Variants in VWA3B observed in about 807,000 individuals in gnomAD.
VWA3B encodes von Willebrand factor A domain containing 3B.
Under a neutral mutation model 158.3 loss-of-function variants are expected in VWA3B, and 138 were observed. That is an observed-to-expected ratio of 0.87 (90% CI 0.76 to 1.00). The LOEUF is 1.00. Ranked by LOEUF, VWA3B falls within the 50% of genes least tolerant of loss-of-function variation. The pLI, the probability that VWA3B is intolerant of heterozygous loss-of-function variation, is 0.00. For missense variants in VWA3B, 1,555 were observed against 1,565.1 expected (o/e 0.99, Z 0.11); for synonymous variants, 596 against 587.3 (o/e 1.01, Z -0.21).
At chr2:98,251,844 C>T (rs907376706) in intron 20 of VWA3B, among the ~76,000 whole-genome samples, 1 of 152,148 alleles carries the variant, frequency 6.6e-6, no homozygotes, top group Non-Finnish European at 1.5e-5. Context: ...GTTGCCCTCA[C>T]CCGAGAGTGG....
At chr2:98,261,574 C>T (rs577317145) in intron 21 of VWA3B, among the ~76,000 whole-genome samples, 2 of 151,786 alleles carry the variant, frequency 1.3e-5, no homozygotes, top group East Asian at 1.9e-4. Flanking sequence ...TTATAGCATT[C>T]CTTTTAGGAC....
intron 14 of VWA3B, among the ~76,000 whole-genome samples, chr2:98,224,188 GAAAGA>G (rs1684734519): frequency 6.6e-6 from 1 of 152,004 alleles, no homozygotes; most frequent in African/African-American, 2.4e-5. Context: ...TGGAGCATCA[GAAAGA>G]AAAGAAGAGA....
At chr2:98,263,248 C>A (rs949043559) in intron 21 of VWA3B, among the ~76,000 whole-genome samples, 1 of 151,836 alleles carries the variant, frequency 6.6e-6, no homozygotes, top group Admixed American at 6.6e-5. Context: ...TTGGATATTG[C>A]TCCTTTCTTT....
intron 12 of VWA3B, among the ~76,000 whole-genome samples, chr2:98,198,852 C>T (rs557483374): frequency 2.6e-4 from 40 of 152,126 alleles, no homozygotes; most frequent in African/African-American, 7.0e-4. Context: ...TTTGGGAGGC[C>T]GAGGCAGGCG....
At chr2:98,219,975 C>T (rs113420123) in intron 14 of VWA3B, among the ~76,000 whole-genome samples, 10 of 151,924 alleles carry the variant, frequency 6.6e-5, no homozygotes, top group South Asian at 2.1e-4. Context: ...CCAGCCTGAG[C>T]GACACGGCAA....
At chr2:98,131,051 C>G (rs1184526672) in intron 6 of VWA3B, among the ~76,000 whole-genome samples, 4 of 152,144 alleles carry the variant, frequency 2.6e-5, no homozygotes, top group Non-Finnish European at 5.9e-5. Context: ...TATGAACCTA[C>G]TCCTTCTATC....
the VWA3B span, among the ~76,000 whole-genome samples, chr2:98,323,317 A>C: frequency 6.6e-6 from 1 of 152,182 alleles, no homozygotes; most frequent in Non-Finnish European, 1.5e-5. Context: ...TGAGCAGCAA[A>C]ATGGAAAAGG....
rs935007017 is a variant in VWA3B, at chr2:98,293,956, G to A, written c.3157+3334G>A. 1.3e-4 allele frequency among the ~76,000 whole-genome samples: 20 copies of A among 151,822 alleles called. No homozygotes were observed. The East Asian group carries it at 1.5e-3, about 12-fold the overall frequency. On this transcript the variant is annotated intron_variant, in intron 23 of 27. Coordinates refer to ENST00000477737, the MANE Select transcript of VWA3B (RefSeq NM_144992.5). ...ATCTAGAATCATTCTTTAGCCTTTCGTATTATCTTTCATGATAGTGACATT... is the reference window on the plus strand; with the variant it reads ...ATCTAGAATCATTCTTTAGCCTTTCATATTATCTTTCATGATAGTGACATT...
At chr2:98,251,399 CA>C (rs2105804571) in intron 20 of VWA3B, among the ~76,000 whole-genome samples, 2 of 152,210 alleles carry the variant, frequency 1.3e-5, no homozygotes, top group South Asian at 4.2e-4. Flanking sequence ...TTACTTTTAT[CA>C]AGTTCAAGAT....
Position 98,301,315 on chromosome 2 carries a change from A to C in VWA3B, c.3420+1099A>C, listed in dbSNP as rs536126564. ...AAAAAAACAAAAAAACAAAACAAAAAAAAAAACCTGTGTTTGAATTATATG... is the reference window on the plus strand; with the variant it reads ...AAAAAAACAAAAAAACAAAACAAAACAAAAAACCTGTGTTTGAATTATATG... On this transcript the variant is annotated intron_variant, in intron 25 of 27. Coordinates refer to ENST00000477737, the MANE Select transcript of VWA3B (RefSeq NM_144992.5). Among the ~76,000 whole-genome samples the C allele has an allele frequency of 9.3e-4, 141 of 152,212 alleles. 1 individual carries two copies. Among genetic ancestry groups the C allele is most frequent in the South Asian group, 7.9e-3 (38 of 4,812 alleles).
At chr2:98,211,870 C>A in intron 12 of VWA3B, 60 bp from the exon 13 acceptor site, 1 of 1,429,020 alleles carries the variant, frequency 7.0e-7, no homozygotes, top group South Asian at 1.2e-5. Context: ...AAAATAAATA[C>A]TTGTTTGTGA....
intron 26 of VWA3B, 90 bp from the exon 27 acceptor site, chr2:98,311,729 G>A: frequency 7.1e-7 from 1 of 1,411,300 alleles, no homozygotes; most frequent in East Asian, 2.5e-5. Flanking sequence ...TGGGCAAGGA[G>A]CTGAGAAGCA....
At chr2:98,104,247 T>C (rs573154271) in intron 2 of VWA3B, among the ~76,000 whole-genome samples, 5 of 152,178 alleles carry the variant, frequency 3.3e-5, no homozygotes, top group Non-Finnish European at 7.3e-5. Flanking sequence ...TGAGGCTGGG[T>C]AATTTATAAA....
At chr2:98,314,843 T>C (rs1691056424), downstream of VWA3B, among the ~76,000 whole-genome samples, 1 of 152,072 alleles carries the variant, frequency 6.6e-6, no homozygotes. Flanking sequence ...GCCAACATGG[T>C]GAAACCCTGT....
intron 19 of VWA3B, among the ~76,000 whole-genome samples, chr2:98,237,251 G>A (rs780757687): frequency 2.0e-5 from 3 of 152,340 alleles, no homozygotes; most frequent in Middle Eastern, 3.4e-3. Flanking sequence ...TTCGTGGTTC[G>A]TTGCTAACGG....
chr2:98,190,455 G>T (rs1681483348), intron 10 of VWA3B, among the ~76,000 whole-genome samples: 1 of 152,072 alleles, frequency 6.6e-6, no homozygotes, highest in South Asian at 2.1e-4. Context: ...TGATATCTCT[G>T]TTGCTTTTTA....
At chr2:98,174,600 A>G (rs1456143469) in intron 8 of VWA3B, among the ~76,000 whole-genome samples, 1 of 152,210 alleles carries the variant, frequency 6.6e-6, no homozygotes, top group Non-Finnish European at 1.5e-5. Context: ...AAACCAAAAC[A>G]CTTAAGATGA....
At chr2:98,224,620 G>A (rs929278282) in intron 14 of VWA3B, among the ~76,000 whole-genome samples, 10 of 151,892 alleles carry the variant, frequency 6.6e-5, no homozygotes, top group African/African-American at 2.4e-4. Context: ...CTGAAGGAAG[G>A]CAAGGAAAGA....
At chr2:98,212,431 T>C (rs1457607682) in intron 13 of VWA3B, among the ~76,000 whole-genome samples, 1 of 152,224 alleles carries the variant, frequency 6.6e-6, no homozygotes, top group Admixed American at 6.5e-5. Context: ...CCTCTAAGGC[T>C]TAGTACTCAT....
Sources: allele counts gnomAD v4.1 joint callset (sites outside exome capture counted in the v4.1 genomes callset), GRCh38; gene constraint gnomAD v4.1.1; transcripts MANE v1.5; gene names NCBI Gene and HGNC (gene_info 2026-07-23, HGNC 2026-07-21).